IRAK4: variants seen among roughly 807,000 people sequenced by gnomAD.
IRAK4 encodes interleukin 1 receptor associated kinase 4.
Under a neutral mutation model 51.8 loss-of-function variants are expected in IRAK4, and 44 were observed. That is an observed-to-expected ratio of 0.85 (90% CI 0.67 to 1.09). The LOEUF (loss-of-function observed/expected upper bound fraction) is 1.09. Ranked by LOEUF, IRAK4 falls within the 50% of genes least tolerant of loss-of-function variation. The probability of loss-of-function intolerance (pLI) is 0.00; values close to 1 mark genes in which losing one functional copy is unlikely to be tolerated. For synonymous variants in IRAK4, 149 were observed against 174.1 expected, an observed-to-expected ratio of 0.86 and a Z score of 1.13; for missense variants, 487 against 538.0, an observed-to-expected ratio of 0.91 and a Z score of 0.94.
intron 1 of IRAK4, among the ~76,000 whole-genome samples, chr12:43,761,147 C>G (rs1490431393): frequency 6.6e-6 from 1 of 152,140 alleles, no homozygotes; most frequent in Non-Finnish European, 1.5e-5. Flanking sequence ...TCTGGAAGCC[C>G]TCACCAGCTT....
intron 8 of IRAK4, 113 bp from the exon 9 acceptor site, chr12:43,782,194 A>AT: frequency 1.4e-6 from 1 of 716,900 alleles, no homozygotes; most frequent in Non-Finnish European, 2.5e-6. Flanking sequence ...GTACATATGC[A>AT]TGTATGCATA....
intron 6 of IRAK4, among the ~76,000 whole-genome samples, chr12:43,776,320 C>T (rs955738512): frequency 2.0e-5 from 3 of 152,120 alleles, no homozygotes; most frequent in Non-Finnish European, 4.4e-5. Context: ...TTAAATAAAA[C>T]AGATAAATCA....
intron 10 of IRAK4, among the ~76,000 whole-genome samples, chr12:43,786,039 A>ATTT (rs58528160): frequency 2.1e-5 from 3 of 140,484 alleles, no homozygotes; most frequent in Admixed American, 7.1e-5. Context: ...TATGTCTTCA[A>ATTT]TTTTTTTTTT....
At chr12:43,780,426 G>T (rs898557225) in intron 8 of IRAK4, among the ~76,000 whole-genome samples, 8 of 152,084 alleles carry the variant, frequency 5.3e-5, no homozygotes, top group Non-Finnish European at 7.4e-5. Context: ...ATGAGATGAT[G>T]TGTTCAGTAG....
At chr12:43,777,807 T>C in intron 7 of IRAK4, 63 bp downstream of exon 7, 1 of 1,303,550 alleles carries the variant, frequency 7.7e-7, no homozygotes, top group Non-Finnish European at 1.1e-6. Context: ...TTAATATTCA[T>C]TTTGTTACTG....
chr12:43,768,843 A>T (rs565169271), intron 2 of IRAK4, among the ~76,000 whole-genome samples: 5 of 152,280 alleles, frequency 3.3e-5, no homozygotes, highest in African/African-American at 9.6e-5. Flanking sequence ...TAAAATATGC[A>T]TGCATATTTT....
rs143625818 is a variant in IRAK4 at position 43,768,169 on chromosome 12, A to T, written c.58A>T (p.Arg20Trp). The T allele has an allele frequency of 2.8e-5, 45 of 1,613,606 alleles. No homozygotes were observed. The African/African-American group carries it at 5.1e-4, about 18-fold the overall frequency. ...GCGCTGCCTCAATGTTGGACTAATT[A>T]GGAAGCTGTCAGATTTTATTGATCC... Reference protein sequence around the residue: ...YVRCLNVGLIRKLSDFIDPQE... With the variant: ...YVRCLNVGLIWKLSDFIDPQE... Residue 20 changes from arginine (R) to tryptophan (W), a missense_variant, in exon 2 of 12, where the codon AGG (arginine) becomes TGG (tryptophan). Physicochemically the swap from Arg to Trp is moderately radical, Grantham distance 101. Transcript: ENST00000613694.
Position 43,783,643 on chromosome 12 carries a change from AT to A in IRAK4, c.1126-11del, listed in dbSNP as rs753200898. ...GCCTATCTTGTGTATTATATTAATG[AT>A]TTTTTTTGTCTTCATAGGTTTTACT... On this transcript the variant is annotated intron_variant, in intron 9 of 11. Coordinates refer to ENST00000613694, the MANE Select transcript of IRAK4 (RefSeq NM_016123.4). 5.5e-5 allele frequency: 84 copies of A among 1,529,202 alleles called. No individual in the cohort carries two copies. Among genetic ancestry groups the A allele is most frequent in the Non-Finnish European group, 6.5e-5 (72 of 1,106,684 alleles). 94.7% of individuals were successfully genotyped at this position (1,529,202 alleles called of 1,614,324 possible). A position where few individuals can be genotyped will look rare whatever the true frequency, so the allele number is the denominator to read the frequency against.
chr12:43,774,142 TTAAAA>T (rs1941055609), intron 6 of IRAK4, 113 bp downstream of exon 6: 3 of 755,982 alleles, frequency 4.0e-6, no homozygotes, highest in East Asian at 2.6e-5. Flanking sequence ...ATATATGAAA[TTAAAA>T]TAAAGTGTTT....
chr12:43,776,435 G>A (rs1370964078), intron 6 of IRAK4, among the ~76,000 whole-genome samples: 2 of 152,166 alleles, frequency 1.3e-5, no homozygotes, highest in Non-Finnish European at 2.9e-5. Flanking sequence ...GTTTTAATTT[G>A]CACTTCTTCA....
chr12:43,768,351 T>C, intron 2 of IRAK4, 79 bp downstream of exon 2: 1 of 1,099,484 alleles, frequency 9.1e-7, no homozygotes, highest in Non-Finnish European at 1.3e-6. Flanking sequence ...TACTGTCTAA[T>C]GTGGCAGTTT....
chr12:43,789,475 G>A lies in IRAK4; in HGVS notation c.*2760G>A, dbSNP rs1003697741. The A allele has an allele frequency of 2.6e-5, 4 of 152,030 alleles. No individual in the cohort carries two copies. Among genetic ancestry groups the A allele is most frequent in the Non-Finnish European group, 5.9e-5 (4 of 68,006 alleles). 9.4% of individuals were successfully genotyped at this position (152,030 alleles called of 1,614,324 possible). A position where few individuals can be genotyped will look rare whatever the true frequency, so the allele number is the denominator to read the frequency against. ...TTATTCCTTTATAGTGATGCAAAAC[G>A]GGCTAACTATATAAATTTGTAATTT... On this transcript the variant is annotated 3_prime_UTR_variant, in exon 12 of 12. Transcript: ENST00000613694.
chr12:43,772,361 A>G lies in IRAK4; in HGVS notation c.489A>G (p.Thr163=), dbSNP rs748667787. ...PENKSLEVSD[T]RFHSFSFYEL... ...ATAAAAGTTTAGAAGTTAGTGATACACGTAAGTAACATTTTCAGTGCTTTC... is the reference window on the plus strand; with the variant it reads ...ATAAAAGTTTAGAAGTTAGTGATACGCGTAAGTAACATTTTCAGTGCTTTC... The change falls in exon 4 of 12, where the codon ACA becomes ACG. Residue 163 remains threonine (T), a splice_region_variant and synonymous_variant. Transcript: ENST00000613694. 19 of 1,610,388 alleles carry G rather than the reference A, an allele frequency of 1.2e-5. No homozygotes were observed. The highest frequency in any genetic ancestry group is 1.6e-4 in the Middle Eastern group (1 of 6,082).
At chr12:43,784,576 T>G (rs1010031321) in intron 10 of IRAK4, among the ~76,000 whole-genome samples, 3 of 152,210 alleles carry the variant, frequency 2.0e-5, no homozygotes, top group African/African-American at 7.2e-5. Flanking sequence ...CAGCATATAC[T>G]TTACCTAAGT....
rs2138085347 is a variant in IRAK4 at position 43,786,395 on chromosome 12, A to G, written c.1189-4A>G. On this transcript the variant is annotated splice_region_variant and splice_polypyrimidine_tract_variant and intron_variant, in intron 10 of 11. Coordinates refer to ENST00000613694, the MANE Select transcript of IRAK4 (RefSeq NM_016123.4). Reference sequence around the variant, plus strand: ...CTCTTAAAGTTTTAACACTCATTTTAAAGCTAGATATTAAAGAAGAAATTG... The same window carrying G: ...CTCTTAAAGTTTTAACACTCATTTTGAAGCTAGATATTAAAGAAGAAATTG... 1 of 1,555,292 alleles carries G rather than the reference A, an allele frequency of 6.4e-7. No individual in the cohort carries two copies.
At chr12:43,777,062 C>T (rs1263253042) in intron 6 of IRAK4, among the ~76,000 whole-genome samples, 1 of 152,058 alleles carries the variant, frequency 6.6e-6, no homozygotes, top group East Asian at 1.9e-4. Flanking sequence ...TCACAAGTTC[C>T]AAAAATCTGA....
At position 43,773,079 on chromosome 12, in the gene IRAK4, T is replaced by C. The variant is rs752100898; in HGVS notation, c.651+7T>C. On this transcript the variant is annotated splice_region_variant and intron_variant, in intron 5 of 11. Coordinates refer to ENST00000613694, the MANE Select transcript of IRAK4 (RefSeq NM_016123.4). ...AGTGAAGAAGCTTGCAGCAGTAAGT[T>C]ATATTTTCAGGAATAAAAAGAAAGA... 21 of 1,612,114 alleles carry C rather than the reference T, an allele frequency of 1.3e-5. No individual in the cohort carries two copies. The East Asian group carries it at 3.6e-4, about 27-fold the overall frequency.
chr12:43,761,100 C>G (rs571957752), intron 1 of IRAK4: 1 of 152,062 alleles, frequency 6.6e-6, no homozygotes, highest in East Asian at 1.9e-4. Context: ...AGCACATATC[C>G]CAGTTTGTAA....
At chr12:43,773,870 A>G (rs1413535756) in intron 5 of IRAK4, 95 bp from the exon 6 acceptor site, 8 of 769,308 alleles carry the variant, frequency 1.0e-5, no homozygotes, top group Non-Finnish European at 1.8e-5. Context: ...TATTGTTTTA[A>G]AGAAAGGGAG....
Sources: allele counts gnomAD v4.1 joint callset (sites outside exome capture counted in the v4.1 genomes callset), GRCh38; gene constraint gnomAD v4.1.1; transcripts MANE v1.5; gene names NCBI Gene and HGNC (gene_info 2026-07-23, HGNC 2026-07-21).